Variants in LRP1B observed in about 807,000 individuals in gnomAD.
LRP1B encodes LDL receptor related protein 1B.
A neutral mutation model predicts 556.6 loss-of-function variants in LRP1B; 217 were observed. The ratio of observed to expected loss-of-function variants is 0.39; its 90% confidence interval spans 0.35 to 0.44. The LOEUF is 0.44. LRP1B is among the 20% of genes least tolerant of loss of function. LRP1B has a pLI of 1.00. For missense variants in LRP1B, 5,053 were observed against 5,620.8 expected (o/e 0.90, Z 3.23); for synonymous variants, 2,047 against 1,865.8 (o/e 1.10, Z -2.50).
intron 48 of LRP1B, 80 bp from the exon 49 acceptor site, chr2:140,526,073 GA>G: frequency 6.8e-7 from 1 of 1,479,782 alleles, no homozygotes; most frequent in South Asian, 1.2e-5. Context: ...ATAGAGATGA[GA>G]AAAGTTAACT....
intron 8 of LRP1B, among the ~76,000 whole-genome samples, chr2:141,061,062 C>T (rs1386290435): frequency 6.6e-6 from 1 of 151,658 alleles, no homozygotes; most frequent in Non-Finnish European, 1.5e-5. Flanking sequence ...TGATAATCAT[C>T]TCAGAGATCA....
At chr2:141,511,569 A>T (rs1233238299) in intron 2 of LRP1B, among the ~76,000 whole-genome samples, 1 of 152,212 alleles carries the variant, frequency 6.6e-6, no homozygotes, top group East Asian at 1.9e-4. Context: ...GTTGTAAAAT[A>T]TGTTGTGTTG....
chr2:142,062,679 A>C lies in LRP1B; in HGVS notation c.82+67969T>G, dbSNP rs143712076. Among the ~76,000 whole-genome samples, 444 of 151,980 alleles carry C rather than the reference A, an allele frequency of 2.9e-3. 3 individuals carry two copies. The highest frequency in any genetic ancestry group is 9.4e-3 in the African/African-American group (392 of 41,524). On this transcript the variant is annotated intron_variant, in intron 1 of 90. Transcript: ENST00000389484. Reference sequence around the variant, plus strand: ...GCAAACTAAGGAACTTAATGAATAAAACAAGTTTCTTGATTTATAAAATCA... The same window carrying C: ...GCAAACTAAGGAACTTAATGAATAACACAAGTTTCTTGATTTATAAAATCA...
intron 88 of LRP1B, among the ~76,000 whole-genome samples, chr2:140,238,809 AT>A (rs761751212): frequency 2.7e-5 from 4 of 150,760 alleles, no homozygotes; most frequent in African/African-American, 7.3e-5. Flanking sequence ...CCATTAGGTA[AT>A]TTCTCATCAA....
intron 41 of LRP1B, among the ~76,000 whole-genome samples, chr2:140,646,680 G>A (rs1684496568): frequency 1.3e-5 from 2 of 151,972 alleles, no homozygotes; most frequent in Admixed American, 1.3e-4. Context: ...TGAAATAAAA[G>A]CAACTATTTC....
At chr2:141,194,313 T>C (rs912805495) in intron 6 of LRP1B, among the ~76,000 whole-genome samples, 2 of 152,130 alleles carry the variant, frequency 1.3e-5, no homozygotes. Flanking sequence ...ATTTTCTATA[T>C]TGATTTTCTA....
intron 1 of LRP1B, among the ~76,000 whole-genome samples, chr2:141,948,186 C>A (rs1574520292): frequency 1.3e-5 from 2 of 152,034 alleles, no homozygotes. Context: ...GTGGTCCCAG[C>A]TACTTGGGAG....
chr2:141,902,479 T>A (rs1699647996), intron 1 of LRP1B, among the ~76,000 whole-genome samples: 1 of 151,960 alleles, frequency 6.6e-6, no homozygotes, highest in Admixed American at 6.6e-5. Context: ...CAAAGCCTAT[T>A]CCGGGGGCTT....
intron 57 of LRP1B, among the ~76,000 whole-genome samples, chr2:140,488,105 C>T (rs1020900781): frequency 2.6e-5 from 4 of 151,868 alleles, no homozygotes; most frequent in Non-Finnish European, 5.9e-5. Context: ...TCATTATAGT[C>T]TGTTCCATGG....
At position 140,328,292 on chromosome 2, in the gene LRP1B, G is replaced by C. The variant is rs189081212; in HGVS notation, c.12224-2414C>G. Among the ~76,000 whole-genome samples, 455 of 151,740 alleles carry C rather than the reference G, an allele frequency of 3.0e-3. 1 individual carries two copies. Among genetic ancestry groups the C allele is most frequent in the African/African-American group, 0.011 (441 of 41,432 alleles). On this transcript the variant is annotated intron_variant, in intron 79 of 90. Coordinates refer to ENST00000389484, the MANE Select transcript of LRP1B (RefSeq NM_018557.3). Reference sequence around the variant, plus strand: ...TGAACAGTTTATAAAAGATACATAGGCTCACTAAGTTTTAGTGACACAGGA... The same window carrying C: ...TGAACAGTTTATAAAAGATACATAGCCTCACTAAGTTTTAGTGACACAGGA...
chr2:141,403,295 A>G (rs1404414126), intron 3 of LRP1B, among the ~76,000 whole-genome samples: 1 of 152,124 alleles, frequency 6.6e-6, no homozygotes. Context: ...ATCAGTTTCT[A>G]TTTTGTACGT....
At chr2:141,961,840 T>G (rs914682561) in intron 1 of LRP1B, among the ~76,000 whole-genome samples, 2 of 151,776 alleles carry the variant, frequency 1.3e-5, no homozygotes, top group South Asian at 4.1e-4. Context: ...GTAAGTTAAC[T>G]TGGCCCAGGT....
At chr2:141,234,601 T>C (rs1257125555) in intron 5 of LRP1B, among the ~76,000 whole-genome samples, 5 of 152,216 alleles carry the variant, frequency 3.3e-5, no homozygotes, top group East Asian at 1.9e-4. Flanking sequence ...GGTCTTGAAC[T>C]CCTGACCTCA....
At chr2:140,909,614 G>T (rs1040560591) in intron 21 of LRP1B, among the ~76,000 whole-genome samples, 1 of 150,960 alleles carries the variant, frequency 6.6e-6, no homozygotes, top group Non-Finnish European at 1.5e-5. Flanking sequence ...CAATAATGTT[G>T]TTCTGTAAAT....
intron 31 of LRP1B, among the ~76,000 whole-genome samples, chr2:140,815,463 C>T (rs1025336): frequency 0.46 from 69,192 of 151,854 alleles, 16,906 homozygotes; most frequent in East Asian, 0.58. Flanking sequence ...TGAGCCACCT[C>T]GCCTAGTTCT....
chr2:141,018,973 T>A (rs548413275), intron 12 of LRP1B, among the ~76,000 whole-genome samples: 9 of 152,152 alleles, frequency 5.9e-5, no homozygotes, highest in Admixed American at 1.3e-4. Context: ...TTTTTGTATG[T>A]GTGCAGTAAA....
intron 41 of LRP1B, among the ~76,000 whole-genome samples, chr2:140,662,845 G>T (rs2105343133): frequency 6.6e-6 from 1 of 152,176 alleles, no homozygotes; most frequent in East Asian, 1.9e-4. Flanking sequence ...CATATAAAGA[G>T]GAAATTGCCA....
At chr2:141,613,098 G>T (rs372630747) in intron 2 of LRP1B, among the ~76,000 whole-genome samples, 2 of 151,982 alleles carry the variant, frequency 1.3e-5, no homozygotes, top group African/African-American at 4.8e-5. Context: ...ATGAGCCACC[G>T]CACCTGGCCT....
intron 41 of LRP1B, among the ~76,000 whole-genome samples, chr2:140,641,570 T>C (rs1684294386): frequency 6.6e-6 from 1 of 152,186 alleles, no homozygotes; most frequent in Admixed American, 6.5e-5. Context: ...TATACCTTCC[T>C]AAAATCCTAC....
Sources: allele counts gnomAD v4.1 joint callset (sites outside exome capture counted in the v4.1 genomes callset), GRCh38; gene constraint gnomAD v4.1.1; transcripts MANE v1.5; gene names NCBI Gene and HGNC (gene_info 2026-07-23, HGNC 2026-07-21).